The following NT5DC1 variants were observed in gnomAD, a reference collection of about 807,000 sequenced individuals.
The protein encoded by NT5DC1 is 5'-nucleotidase domain-containing protein 1.
Under a neutral mutation model 59.4 loss-of-function variants are expected in NT5DC1, and 42 were observed. That is an observed-to-expected ratio of 0.71 (90% CI 0.55 to 0.92). NT5DC1 has a LOEUF of 0.92. NT5DC1 is among the 40% of genes least tolerant of loss of function. The pLI is 0.00. For missense variants in NT5DC1, 501 were observed against 537.1 expected (o/e 0.93, Z 0.66); for synonymous variants, 172 against 188.1 (o/e 0.91, Z 0.70).
intron 6 of NT5DC1, among the ~76,000 whole-genome samples, chr6:116,188,551 A>G (rs959628967): frequency 6.6e-6 from 1 of 152,024 alleles, no homozygotes; most frequent in Non-Finnish European, 1.5e-5. Context: ...TACATATTCT[A>G]TGGTTGCATT....
chr6:116,192,058 A>C (rs1028866307), intron 6 of NT5DC1, among the ~76,000 whole-genome samples: 4 of 152,040 alleles, frequency 2.6e-5, no homozygotes, highest in African/African-American at 9.7e-5. Flanking sequence ...TACTTAGGTG[A>C]AACTTGGTAA....
chr6:116,192,189 G>C (rs1390092831), intron 6 of NT5DC1, among the ~76,000 whole-genome samples: 2 of 152,030 alleles, frequency 1.3e-5, no homozygotes, highest in Non-Finnish European at 2.9e-5. Context: ...GATTTTGCCA[G>C]TTAATTAACC....
At chr6:116,120,333 C>A in intron 6 of NT5DC1, 1 of 1,614,196 alleles carries the variant, frequency 6.2e-7, no homozygotes, top group Middle Eastern at 1.6e-4. Flanking sequence ...TAGTATATTC[C>A]TGGTATCTGA....
chr6:116,241,324 T>C (rs1427484009), intron 11 of NT5DC1, among the ~76,000 whole-genome samples: 1 of 152,028 alleles, frequency 6.6e-6, no homozygotes, highest in African/African-American at 2.4e-5. Flanking sequence ...AGTATATGAA[T>C]AAAAAATGAA....
chr6:116,211,790 T>A (rs1423743392), intron 6 of NT5DC1, among the ~76,000 whole-genome samples: 1 of 152,066 alleles, frequency 6.6e-6, no homozygotes, highest in African/African-American at 2.4e-5. Context: ...TTTGCTTTGT[T>A]GTACTGTGCA....
At chr6:116,189,956 G>T (rs192664365) in intron 6 of NT5DC1, among the ~76,000 whole-genome samples, 1 of 152,028 alleles carries the variant, frequency 6.6e-6, no homozygotes, top group East Asian at 1.9e-4. Flanking sequence ...AATGTTTGTT[G>T]TTCTTTTACT....
chr6:116,101,110 A>C, intron 1 of NT5DC1, 87 bp downstream of exon 1: 1 of 982,322 alleles, frequency 1.0e-6, no homozygotes, highest in South Asian at 1.6e-5. Context: ...GCAACGGCGG[A>C]CGCTGCCCGG....
chr6:116,246,174 A>G lies in NT5DC1; in HGVS notation c.*2150A>G, dbSNP rs903856395. 6.6e-6 allele frequency: 1 copy of G among 152,182 alleles called. No individual in the cohort carries two copies. Among genetic ancestry groups the G allele is most frequent in the African/African-American group, 2.4e-5 (1 of 41,460 alleles). The allele number at this position is 152,182 out of a possible 1,614,324, so 9.4% of individuals were successfully genotyped here. A position where few individuals can be genotyped will look rare whatever the true frequency, so the allele number is the denominator to read the frequency against. Reference sequence around the variant, plus strand: ...AAAATTGTATAAATGGACAGAAGACATGTAATATTCGCATACAGGCAAACA... The same window carrying G: ...AAAATTGTATAAATGGACAGAAGACGTGTAATATTCGCATACAGGCAAACA... On this transcript the variant is annotated 3_prime_UTR_variant, in exon 12 of 12. Transcript: ENST00000319550.
chr6:116,120,913 AC>A (rs1321176841), intron 6 of NT5DC1: 1 of 1,613,440 alleles, frequency 6.2e-7, no homozygotes, highest in Non-Finnish European at 8.5e-7. Context: ...ACCCTGGGTT[AC>A]CCTTAGGACC....
chr6:116,128,217 C>T (rs555712413), intron 6 of NT5DC1, among the ~76,000 whole-genome samples: 1 of 152,148 alleles, frequency 6.6e-6, no homozygotes, highest in Non-Finnish European at 1.5e-5. Flanking sequence ...GGACATTCAA[C>T]CCTTTTTGCA....
At chr6:116,190,862 T>C (rs1452666397) in intron 6 of NT5DC1, among the ~76,000 whole-genome samples, 1 of 152,018 alleles carries the variant, frequency 6.6e-6, no homozygotes, top group African/African-American at 2.4e-5. Context: ...TTCGTTGGGA[T>C]GGGTTCTGTG....
At chr6:116,106,079 T>C (rs1193136001) in intron 1 of NT5DC1, among the ~76,000 whole-genome samples, 165 bp from the exon 2 acceptor site, 3 of 152,252 alleles carry the variant, frequency 2.0e-5, no homozygotes, top group Admixed American at 2.0e-4. Context: ...CAGGGGATGA[T>C]AAATTGCTTG....
At chr6:116,141,205 C>T (rs1779755827) in intron 6 of NT5DC1, among the ~76,000 whole-genome samples, 1 of 151,004 alleles carries the variant, frequency 6.6e-6, no homozygotes, top group African/African-American at 2.4e-5. Context: ...GTTGATTGGC[C>T]ATTTGTGTTT....
chr6:116,149,021 G>A (rs1231380341), intron 6 of NT5DC1, among the ~76,000 whole-genome samples: 2 of 152,132 alleles, frequency 1.3e-5, no homozygotes, highest in African/African-American at 4.8e-5. Flanking sequence ...TTTCCTTGAT[G>A]TTTGGATTTT....
intron 8 of NT5DC1, among the ~76,000 whole-genome samples, chr6:116,234,584 G>A (rs1398609922): frequency 6.6e-6 from 1 of 150,888 alleles, no homozygotes; most frequent in Non-Finnish European, 1.5e-5. Flanking sequence ...CAAGCAGTCT[G>A]CCTGCCTCAG....
chr6:116,207,353 A>G (rs1781477926), intron 6 of NT5DC1, among the ~76,000 whole-genome samples: 1 of 110,472 alleles, frequency 9.1e-6, no homozygotes, highest in African/African-American at 3.7e-5. Flanking sequence ...GACTTAATGT[A>G]TTCTAAAGAG....
intron 6 of NT5DC1, among the ~76,000 whole-genome samples, chr6:116,140,900 C>T (rs996061112): frequency 6.6e-6 from 1 of 152,004 alleles, no homozygotes; most frequent in Non-Finnish European, 1.5e-5. Flanking sequence ...TTTAGCTATC[C>T]AAAATAATAC....
At chr6:116,178,102 C>CGTGTGTGTGTGTGT (rs869107614) in intron 6 of NT5DC1, among the ~76,000 whole-genome samples, 2 of 94,472 alleles carry the variant, frequency 2.1e-5, no homozygotes, top group Non-Finnish European at 4.1e-5. Context: ...CGCGCGCGCG[C>CGTGTGTGTGTGTGT]GTGCGTGCGT....
chr6:116,133,783 C>G (rs1779523957), intron 6 of NT5DC1, among the ~76,000 whole-genome samples: 1 of 152,148 alleles, frequency 6.6e-6, no homozygotes, highest in Non-Finnish European at 1.5e-5. Flanking sequence ...TAATGCTGAC[C>G]AGATCACCTG....
Sources: allele counts gnomAD v4.1 joint callset (sites outside exome capture counted in the v4.1 genomes callset), GRCh38; gene constraint gnomAD v4.1.1; transcripts MANE v1.5; gene names NCBI Gene and HGNC (gene_info 2026-07-23, HGNC 2026-07-21).